Variants in SNTG1 observed in about 807,000 individuals in gnomAD.
The protein encoded by SNTG1 is syntrophin gamma 1.
SNTG1 carries 39 observed loss-of-function variants against 74.7 expected under a neutral mutation model. The ratio of observed to expected loss-of-function variants is 0.52; its 90% CI spans 0.40 to 0.68. The LOEUF is 0.68. SNTG1 is among the 30% of genes least tolerant of loss of function. The pLI is 0.00. For missense variants in SNTG1, 685 were observed against 609.5 expected, an observed-to-expected ratio of 1.12 and a Z score of -1.30; for synonymous variants, 254 against 217.1, an observed-to-expected ratio of 1.17 and a Z score of -1.49.
intron 1 of SNTG1, among the ~76,000 whole-genome samples, chr8:50,090,950 A>G (rs2079710931): frequency 6.6e-6 from 1 of 152,138 alleles, no homozygotes; most frequent in Non-Finnish European, 1.5e-5. Flanking sequence ...TATAGAAAGG[A>G]CTAGTTTACT....
Position 50,382,538 on chromosome 8 carries a change from G to C in SNTG1, c.-27-11674G>C, listed in dbSNP as rs189889606. ...AGAAGCAACTGACCAACTAGGCTTTGGAAAGAGCAGGAAGTAGGGTAGCTC... is the reference window on the plus strand; with the variant it reads ...AGAAGCAACTGACCAACTAGGCTTTCGAAAGAGCAGGAAGTAGGGTAGCTC... On this transcript the variant is annotated intron_variant, in intron 2 of 18. Transcript: ENST00000642720. Among the ~76,000 whole-genome samples, 552 of 152,226 alleles carry C rather than the reference G, an allele frequency of 3.6e-3. 3 individuals are homozygous for C. Among genetic ancestry groups the C allele is most frequent in the African/African-American group, 0.012 (491 of 41,530 alleles).
chr8:50,412,918 T>A (rs1030151240), intron 4 of SNTG1, among the ~76,000 whole-genome samples: 3 of 152,176 alleles, frequency 2.0e-5, no homozygotes, highest in Non-Finnish European at 4.4e-5. Context: ...GGGAGCAATT[T>A]AAGTAGGAAA....
rs73571393 is a variant in SNTG1, at chr8:50,073,060, A to T, written c.-102-99501A>T. Among the ~76,000 whole-genome samples, 3 of 152,050 alleles carry T rather than the reference A, an allele frequency of 2.0e-5. No homozygotes were observed. The South Asian group carries it at 6.2e-4, about 32-fold the overall frequency. ...GGGTGGGGCAATTTTCTAAAATGAGACAACACTGAAGCTTGCTGCATCAGT... is the reference window on the plus strand; with the variant it reads ...GGGTGGGGCAATTTTCTAAAATGAGTCAACACTGAAGCTTGCTGCATCAGT... On this transcript the variant is annotated intron_variant, in intron 1 of 18. Coordinates refer to ENST00000642720, the MANE Select transcript of SNTG1 (RefSeq NM_018967.5).
intron 2 of SNTG1, among the ~76,000 whole-genome samples, chr8:50,285,507 C>A (rs2088718960): frequency 6.6e-6 from 1 of 152,058 alleles, no homozygotes; most frequent in Admixed American, 6.6e-5. Context: ...GTAGGAAATA[C>A]AAACAAAAGA....
At chr8:50,232,222 A>G (rs761514943) in intron 2 of SNTG1, among the ~76,000 whole-genome samples, 7 of 151,438 alleles carry the variant, frequency 4.6e-5, no homozygotes, top group Non-Finnish European at 8.9e-5. Flanking sequence ...GTAAAGTAGA[A>G]TTAAGCAACA....
chr8:50,339,773 A>T (rs572877252), intron 2 of SNTG1, among the ~76,000 whole-genome samples: 23 of 152,096 alleles, frequency 1.5e-4, no homozygotes, highest in Non-Finnish European at 3.1e-4. Context: ...AAGCAAGTAC[A>T]TATGTAGTAG....
intron 13 of SNTG1, among the ~76,000 whole-genome samples, chr8:50,611,441 T>G (rs1052561816): frequency 6.6e-5 from 10 of 152,198 alleles, no homozygotes; most frequent in African/African-American, 2.2e-4. Context: ...ATACACAGCA[T>G]ACTTCGTAAG....
intron 15 of SNTG1, among the ~76,000 whole-genome samples, chr8:50,686,787 G>A (rs1015394875): frequency 6.6e-6 from 1 of 152,104 alleles, no homozygotes; most frequent in Non-Finnish European, 1.5e-5. Flanking sequence ...CTATGAAATA[G>A]ACTATTGTAA....
chr8:50,449,263 C>A (rs1439865899), intron 5 of SNTG1, among the ~76,000 whole-genome samples: 1 of 152,014 alleles, frequency 6.6e-6, no homozygotes, highest in African/African-American at 2.4e-5. Flanking sequence ...CCTTGGTATC[C>A]CAACGGGTCA....
intron 2 of SNTG1, among the ~76,000 whole-genome samples, chr8:50,211,412 A>G (rs2084516039): frequency 6.6e-6 from 1 of 152,152 alleles, no homozygotes; most frequent in Admixed American, 6.6e-5. Flanking sequence ...ATTTAATAAT[A>G]ATTGACTAAC....
intron 2 of SNTG1, among the ~76,000 whole-genome samples, chr8:50,267,513 A>T (rs4873444): frequency 0.89 from 135,881 of 152,152 alleles, 62,169 homozygotes; most frequent in East Asian, 1. Flanking sequence ...CAATACCTAC[A>T]GTTGGTGAGG....
chr8:49,976,950 C>T (rs1812248700), intron 1 of SNTG1, among the ~76,000 whole-genome samples: 1 of 152,148 alleles, frequency 6.6e-6, no homozygotes, highest in South Asian at 2.1e-4. Flanking sequence ...GGGCTTGTCT[C>T]AGTGACCATG....
chr8:50,441,416 C>A (rs1400970772), intron 5 of SNTG1, among the ~76,000 whole-genome samples: 1 of 152,092 alleles, frequency 6.6e-6, no homozygotes, highest in Non-Finnish European at 1.5e-5. Flanking sequence ...TGAGGCAGTT[C>A]AGTGTCCCTA....
chr8:50,170,109 T>C (rs1376991456), intron 1 of SNTG1, among the ~76,000 whole-genome samples: 1 of 152,222 alleles, frequency 6.6e-6, no homozygotes, highest in Non-Finnish European at 1.5e-5. Flanking sequence ...CATTGTGTTC[T>C]AGTTCTAATG....
At chr8:50,608,518 A>G (rs796330498) in intron 13 of SNTG1, among the ~76,000 whole-genome samples, 12 of 151,714 alleles carry the variant, frequency 7.9e-5, no homozygotes, top group Middle Eastern at 3.4e-3. Context: ...TTGCTTTTCC[A>G]TCTCTCTTAT....
At chr8:50,047,328 T>A (rs534456228) in intron 1 of SNTG1, among the ~76,000 whole-genome samples, 63 of 151,768 alleles carry the variant, frequency 4.2e-4, no homozygotes, top group African/African-American at 1.4e-3. Flanking sequence ...GACACAGAGA[T>A]GCTGCCAAAA....
intron 18 of SNTG1, among the ~76,000 whole-genome samples, chr8:50,753,994 T>C (rs1291369591): frequency 6.6e-6 from 1 of 151,972 alleles, no homozygotes; most frequent in African/African-American, 2.4e-5. Flanking sequence ...TACAGAATTG[T>C]TTAACCATAC....
chr8:50,241,784 T>C (rs10504099), intron 2 of SNTG1, among the ~76,000 whole-genome samples: 85,917 of 152,002 alleles, frequency 0.57, 27,996 homozygotes, highest in East Asian at 0.83. Flanking sequence ...GGGATGATAA[T>C]GAACTTTACA....
At chr8:50,236,556 T>A (rs1177046024) in intron 2 of SNTG1, among the ~76,000 whole-genome samples, 1 of 150,366 alleles carries the variant, frequency 6.7e-6, no homozygotes, top group African/African-American at 2.4e-5. Flanking sequence ...GTTCACACCA[T>A]TCTCCTGCCT....
Sources: allele counts gnomAD v4.1 joint callset (sites outside exome capture counted in the v4.1 genomes callset), GRCh38; gene constraint gnomAD v4.1.1; transcripts MANE v1.5; gene names NCBI Gene and HGNC (gene_info 2026-07-23, HGNC 2026-07-21).